RYR2: variants seen among roughly 807,000 people sequenced by gnomAD.
RYR2 encodes ryanodine receptor 2, also known as cardiac muscle ryanodine receptor-calcium release channel.
A neutral mutation model predicts 601.1 loss-of-function variants in RYR2; 227 were observed. The ratio of observed to expected loss-of-function variants is 0.38; its 90% CI spans 0.34 to 0.42. The LOEUF is 0.42. Among genes scored for constraint, RYR2 ranks in the 10% least tolerant of loss-of-function variants. The pLI is 1.00. For missense variants in RYR2, 4,646 were observed against 6,156.5 expected, an observed-to-expected ratio of 0.75 and a Z score of 8.21; for synonymous variants, 2,223 against 2,175.1, an observed-to-expected ratio of 1.02 and a Z score of -0.61.
Position 237,614,426 on chromosome 1 carries a change from C to G in RYR2, c.5298C>G (p.Pro1766=). 1 of 1,614,032 alleles carries G rather than the reference C, an allele frequency of 6.2e-7. No homozygotes were observed. The highest frequency in any genetic ancestry group is 8.5e-7 in the Non-Finnish European group (1 of 1,179,898). Residue 1766 remains proline, a synonymous_variant, in exon 37 of 105, where the codon CCC becomes CCG. Transcript: ENST00000366574. The surrounding 1 kb of genome is among the most constrained non-coding windows in gnomAD (Gnocchi z 4.3). ...GGCCACGGATGCAGTTTTCCTCCCC[C>G]AGTTTTGTAAGCATTAGTAATGAAT... The part of the protein sequence containing the change: ...SLRPRMQFSS[P]SFVSISNECY...
intron 10 of RYR2, among the ~76,000 whole-genome samples, chr1:237,399,418 A>C (rs1703145196): frequency 6.6e-6 from 1 of 152,118 alleles, no homozygotes; most frequent in South Asian, 2.1e-4. Context: ...TGTGGATATA[A>C]AAGGGCAACT....
At chr1:237,374,019 G>A (rs1272267225) in intron 6 of RYR2, among the ~76,000 whole-genome samples, 1 of 152,202 alleles carries the variant, frequency 6.6e-6, no homozygotes, top group East Asian at 1.9e-4. Flanking sequence ...TGTACTGACA[G>A]AGAACATTTC....
chr1:237,234,993 T>A (rs1158437011), intron 1 of RYR2, among the ~76,000 whole-genome samples: 4 of 152,110 alleles, frequency 2.6e-5, no homozygotes, highest in Non-Finnish European at 5.9e-5. Flanking sequence ...AGCACTGATG[T>A]AGTAACCCCC....
At chr1:237,745,899 G>A (rs776147008) in intron 80 of RYR2, among the ~76,000 whole-genome samples, 37 of 151,800 alleles carry the variant, frequency 2.4e-4, no homozygotes, top group Non-Finnish European at 4.3e-4. Flanking sequence ...GGGGATTTGC[G>A]CTTCCTAATG....
rs987148733 is a variant in RYR2 at position 237,511,798 on chromosome 1, T to C, written c.2822+7T>C. 7.2e-7 allele frequency: 1 copy of C among 1,393,422 alleles called. No homozygotes were observed. Among genetic ancestry groups the C allele is most frequent in the East Asian group, 2.6e-5 (1 of 39,186 alleles). 86.3% of individuals were successfully genotyped at this position (1,393,422 alleles called of 1,614,324 possible). A position where few individuals can be genotyped will look rare whatever the true frequency, so the allele number is the denominator to read the frequency against. On this transcript the variant is annotated splice_region_variant and intron_variant, in intron 24 of 104. Transcript: ENST00000366574. ...TGTCGCTTGAGACCCTGAAGTGAGT[T>C]TCTTAACTTTTTCTATTTTCCAACC...
chr1:237,184,030 A>G (rs1355333057), intron 1 of RYR2, among the ~76,000 whole-genome samples: 2 of 152,254 alleles, frequency 1.3e-5, no homozygotes, highest in Non-Finnish European at 2.9e-5. Flanking sequence ...ACTGATCAGA[A>G]TTAATGACAT....
At chr1:237,536,251 A>G (rs983127193) in intron 25 of RYR2, among the ~76,000 whole-genome samples, 1 of 152,194 alleles carries the variant, frequency 6.6e-6, no homozygotes, top group Non-Finnish European at 1.5e-5. Context: ...TTTATGTTTC[A>G]TGTCCTCTAA....
At chr1:237,496,006 C>T (rs16835325) in intron 19 of RYR2, among the ~76,000 whole-genome samples, 11,757 of 152,194 alleles carry the variant, frequency 0.077, 1,371 homozygotes, top group African/African-American at 0.25. Flanking sequence ...GTGAAGCTGG[C>T]TTTCTCTGTG....
rs756447467 is a variant in RYR2, at chr1:237,627,812, C to T, written c.6172C>T (p.Leu2058=). The change falls in exon 41 of 105, where the codon CTG becomes TTG. Residue 2058 remains leucine (L), a synonymous_variant. Transcript: ENST00000366574. The part of the protein sequence containing the change: ...VESDSKKSST[L]QQLISETMVR... ...TATCCATAATGACTTTGCAGCCACT[C>T]TGCAGCAGCTGATTTCTGAGACCAT... 11 of 1,601,572 alleles carry T rather than the reference C, an allele frequency of 6.9e-6. No individual in the cohort carries two copies. The South Asian group carries it at 1.0e-4, about 15-fold the overall frequency.
intron 1 of RYR2, among the ~76,000 whole-genome samples, chr1:237,161,336 C>T: frequency 7.7e-6 from 1 of 130,660 alleles, no homozygotes; most frequent in African/African-American, 2.8e-5. Context: ...CCCTGTCTTC[C>T]CTGTCAAGAA....
At chr1:237,308,084 T>C (rs1394268463) in intron 2 of RYR2, among the ~76,000 whole-genome samples, 1 of 152,180 alleles carries the variant, frequency 6.6e-6, no homozygotes, top group Non-Finnish European at 1.5e-5. Flanking sequence ...CAGGCATTCC[T>C]ACCCTCTAGA....
Position 237,111,145 on chromosome 1 carries a change from C to G in RYR2, c.48+68576C>G, listed in dbSNP as rs567852691. ...GGTAACATTGTTGACACTGCTGTAT[C>G]GAGCTGCTCTAAGAAAGGGAAACAT... On this transcript the variant is annotated intron_variant, in intron 1 of 104. Coordinates refer to ENST00000366574, the MANE Select transcript of RYR2 (RefSeq NM_001035.3). 2.2e-4 allele frequency among the ~76,000 whole-genome samples: 33 copies of G among 152,290 alleles called. No homozygotes were observed. In the South Asian group the frequency reaches 6.4e-3, roughly 30 times the overall value.
chr1:237,049,558 G>A (rs1407556126), intron 1 of RYR2, among the ~76,000 whole-genome samples: 1 of 152,130 alleles, frequency 6.6e-6, no homozygotes, highest in Non-Finnish European at 1.5e-5. Context: ...TGCAGGATGA[G>A]CATAACAAAA....
At chr1:237,082,640 TA>T (rs1665868813) in intron 1 of RYR2, among the ~76,000 whole-genome samples, 1 of 149,934 alleles carries the variant, frequency 6.7e-6, no homozygotes, top group African/African-American at 2.4e-5. Context: ...CTCAGTACCA[TA>T]AGGTTAACCC....
intron 16 of RYR2, among the ~76,000 whole-genome samples, chr1:237,467,396 A>T (rs1313814849): frequency 6.6e-6 from 1 of 152,122 alleles, no homozygotes; most frequent in Admixed American, 6.5e-5. Flanking sequence ...TTGGGAACAG[A>T]TATTCTTACA....
intron 1 of RYR2, among the ~76,000 whole-genome samples, chr1:237,103,563 T>C (rs1472273550): frequency 3.9e-5 from 6 of 152,230 alleles, no homozygotes; most frequent in Admixed American, 6.5e-5. Context: ...CCAGGCTACA[T>C]TGTCCAGTGT....
chr1:237,109,491 A>G (rs1048646105), intron 1 of RYR2, among the ~76,000 whole-genome samples: 4 of 152,074 alleles, frequency 2.6e-5, no homozygotes, highest in Non-Finnish European at 5.9e-5. Context: ...CTGATTATCT[A>G]TGCTTTCCAT....
At position 237,419,567 on chromosome 1, in the gene RYR2, C is replaced by A. The variant is rs1705353105; in HGVS notation, c.848+2444C>A. Reference sequence around the variant, plus strand: ...CACTGGGGAAAGGGAATGCTACTTGCTTCTCATAGTCCAGATGTCACTGAG... The same window carrying A: ...CACTGGGGAAAGGGAATGCTACTTGATTCTCATAGTCCAGATGTCACTGAG... On this transcript the variant is annotated intron_variant, in intron 11 of 104. Coordinates refer to ENST00000366574, the MANE Select transcript of RYR2 (RefSeq NM_001035.3). Among the ~76,000 whole-genome samples the A allele has an allele frequency of 2.0e-5, 3 of 152,150 alleles. No homozygotes were observed. In the South Asian group the frequency reaches 6.2e-4, roughly 32 times the overall value.
At chr1:237,745,982 C>T (rs982716795) in intron 80 of RYR2, among the ~76,000 whole-genome samples, 1 of 151,750 alleles carries the variant, frequency 6.6e-6, no homozygotes, top group Non-Finnish European at 1.5e-5. Flanking sequence ...ATTTATGTAA[C>T]ATGCTACTCT....
Sources: gnomAD v4.1 joint callset for allele counts (sites outside exome capture counted in the v4.1 genomes callset) on GRCh38, gnomAD v4.1.1 for gene constraint, Gnocchi (gnomAD v3.1) non-coding constraint, MANE v1.5 for transcripts, NCBI Gene and HGNC (gene_info 2026-07-23, HGNC 2026-07-21) for gene names.